The following NRXN1 variants were observed in gnomAD, a reference collection of about 807,000 sequenced individuals.
NRXN1 encodes the protein neurexin 1, also known as neurexin-1.
A neutral mutation model predicts 150.9 loss-of-function variants in NRXN1; 39 were observed. The ratio of observed to expected loss-of-function variants is 0.26; its 90% confidence interval spans 0.20 to 0.34. The LOEUF (loss-of-function observed/expected upper bound fraction) is 0.34, where lower values mean the gene tolerates loss of function less well. Ranked by LOEUF, NRXN1 falls within the 10% of genes least tolerant of loss-of-function variation. NRXN1 has a pLI of 1.00. For missense variants in NRXN1, 1,815 were observed against 1,949.9 expected (o/e 0.93, Z 1.30); for synonymous variants, 924 against 757.0 (o/e 1.22, Z -3.62).
Position 50,447,216 on chromosome 2 carries a change from G to A in NRXN1, c.3364+18226C>T, listed in dbSNP as rs1265781102. Among the ~76,000 whole-genome samples the A allele has an allele frequency of 3.3e-5, 5 of 152,140 alleles. No homozygotes were observed. In the East Asian group the frequency reaches 9.7e-4, roughly 30 times the overall value. ...TGTCTGGGCATGGTGGCTCATGCCT[G>A]TAATCTCAGCACTTTGGGAGGCCAA... On this transcript the variant is annotated intron_variant, in intron 17 of 22. Coordinates refer to ENST00000401669, the MANE Select transcript of NRXN1 (RefSeq NM_001330078.2).
At chr2:50,285,806 C>T (rs1044093884) in intron 17 of NRXN1, among the ~76,000 whole-genome samples, 2 of 151,668 alleles carry the variant, frequency 1.3e-5, no homozygotes, top group Middle Eastern at 3.2e-3. Context: ...AATACCCATA[C>T]AGCACACCTT....
intron 2 of NRXN1, among the ~76,000 whole-genome samples, chr2:51,004,691 C>CG (rs900528552): frequency 5.9e-5 from 9 of 151,684 alleles, no homozygotes; most frequent in African/African-American, 2.2e-4. Context: ...AAAAGGGACT[C>CG]GGGGGTATGA....
intron 8 of NRXN1, among the ~76,000 whole-genome samples, chr2:50,592,753 G>A (rs1163399931): frequency 6.6e-6 from 1 of 152,168 alleles, no homozygotes; most frequent in Non-Finnish European, 1.5e-5. Context: ...TCTAGTTCAG[G>A]GGAAAAGATG....
intron 17 of NRXN1, among the ~76,000 whole-genome samples, chr2:50,394,625 T>A (rs1246289280): frequency 6.6e-6 from 1 of 152,012 alleles, no homozygotes; most frequent in Admixed American, 6.6e-5. Flanking sequence ...TGCTACAGCA[T>A]CCTAATACGG....
In NRXN1 at chr2:50,958,107, C is replaced by T. The variant is rs557000993; in HGVS notation, c.773-32152G>A. 4.6e-5 allele frequency among the ~76,000 whole-genome samples: 7 copies of T among 152,146 alleles called. No homozygotes were observed. In the East Asian group the frequency reaches 7.7e-4, roughly 17 times the overall value. ...GCCTTTCTGGGCCAAAGTTTTGTTT[C>T]GCTTTGTTTCTGAAAGCATCAGTCC... On this transcript the variant is annotated intron_variant, in intron 2 of 22. Transcript: ENST00000401669.
intron 17 of NRXN1, among the ~76,000 whole-genome samples, chr2:50,344,648 G>A (rs2077798390): frequency 6.6e-6 from 1 of 152,172 alleles, no homozygotes; most frequent in South Asian, 2.1e-4. Context: ...ATTCTGGAGG[G>A]AAAGAAATGT....
intron 2 of NRXN1, among the ~76,000 whole-genome samples, chr2:50,954,102 A>C (rs529458330): frequency 8.5e-5 from 13 of 152,316 alleles, no homozygotes; most frequent in Middle Eastern, 3.4e-3. Flanking sequence ...CATTTTAATG[A>C]AGTTAATCAC....
intron 5 of NRXN1, among the ~76,000 whole-genome samples, chr2:50,626,927 C>A (rs1485673993): frequency 6.6e-6 from 1 of 151,670 alleles, no homozygotes; most frequent in Admixed American, 6.6e-5. Context: ...AGAACACACA[C>A]AAAAGAAATG....
chr2:50,406,086 T>TC (rs1247467745), intron 17 of NRXN1, among the ~76,000 whole-genome samples: 5 of 152,104 alleles, frequency 3.3e-5, no homozygotes, highest in African/African-American at 7.2e-5. Flanking sequence ...TCATGTTAAT[T>TC]CTCCTCCTCT....
At chr2:50,013,273 C>CTTTTG (rs1686006596) in intron 21 of NRXN1, among the ~76,000 whole-genome samples, 1 of 136,152 alleles carries the variant, frequency 7.3e-6, no homozygotes, top group African/African-American at 2.7e-5. Context: ...ATTAAAGTTT[C>CTTTTG]TTTTTTTTTT....
In NRXN1 at chr2:50,854,846, AACT is replaced by A. The variant is rs1297903011; in HGVS notation, c.832+67020_832+67022del. 7.2e-5 allele frequency among the ~76,000 whole-genome samples: 11 copies of A among 152,074 alleles called. No individual in the cohort carries two copies. The East Asian group carries it at 2.1e-3, about 29-fold the overall frequency. Reference sequence around the variant, plus strand: ...ATAAATTACTTTTATGTGGTTTCTCAACTACTATGTAGTGTAGGATGATGTACA... The same window carrying A: ...ATAAATTACTTTTATGTGGTTTCTCAACTATGTAGTGTAGGATGATGTACA... On this transcript the variant is annotated intron_variant, in intron 5 of 22. Coordinates refer to ENST00000401669, the MANE Select transcript of NRXN1 (RefSeq NM_001330078.2).
chr2:50,463,151 T>A (rs1453254706), intron 17 of NRXN1, among the ~76,000 whole-genome samples: 1 of 151,774 alleles, frequency 6.6e-6, no homozygotes, highest in Non-Finnish European at 1.5e-5. Flanking sequence ...GGAATCACAC[T>A]AATTCTATTT....
chr2:49,934,230 TTC>T (rs1402916968), intron 22 of NRXN1, among the ~76,000 whole-genome samples: 1 of 152,152 alleles, frequency 6.6e-6, no homozygotes, highest in African/African-American at 2.4e-5. Context: ...TTGATTAGGT[TTC>T]ATTGTTTCTT....
intron 19 of NRXN1, among the ~76,000 whole-genome samples, chr2:50,089,324 T>G (rs1224833331): frequency 6.6e-6 from 1 of 152,238 alleles, no homozygotes; most frequent in Non-Finnish European, 1.5e-5. Context: ...TGTTCACAGC[T>G]GACAACATCC....
chr2:50,394,444 G>A (rs1303558007), intron 17 of NRXN1, among the ~76,000 whole-genome samples: 1 of 151,946 alleles, frequency 6.6e-6, no homozygotes, highest in African/African-American at 2.4e-5. Flanking sequence ...AATTAAGTGG[G>A]TCAGAATTAA....
At chr2:50,057,745 T>C (rs768711030) in intron 19 of NRXN1, among the ~76,000 whole-genome samples, 6 of 152,104 alleles carry the variant, frequency 3.9e-5, no homozygotes, top group Non-Finnish European at 8.8e-5. Flanking sequence ...CCTAACAACA[T>C]TAAAAAGAAA....
At chr2:50,971,247 T>C (rs1558511891) in intron 2 of NRXN1, among the ~76,000 whole-genome samples, 1 of 152,136 alleles carries the variant, frequency 6.6e-6, no homozygotes, top group African/African-American at 2.4e-5. Flanking sequence ...TAATGCTTGT[T>C]AGTGTCAAGT....
chr2:50,701,297 A>G (rs1693708802), intron 5 of NRXN1, among the ~76,000 whole-genome samples: 1 of 152,038 alleles, frequency 6.6e-6, no homozygotes, highest in Non-Finnish European at 1.5e-5. Context: ...AACTATTGTC[A>G]TTATTATTAT....
chr2:50,707,834 G>A (rs1272179147), intron 5 of NRXN1, among the ~76,000 whole-genome samples: 1 of 152,104 alleles, frequency 6.6e-6, no homozygotes, highest in East Asian at 1.9e-4. Flanking sequence ...TTGGACTTTA[G>A]ATCCTAGAAG....
Sources: gnomAD v4.1 joint callset for allele counts (sites outside exome capture counted in the v4.1 genomes callset) on GRCh38, gnomAD v4.1.1 for gene constraint, MANE v1.5 for transcripts, NCBI Gene and HGNC (gene_info 2026-07-23, HGNC 2026-07-21) for gene names.